The following WDPCP variants were observed in gnomAD, a reference collection of about 807,000 sequenced individuals.
WDPCP encodes WD repeat-containing and planar cell polarity effector protein fritz homolog.
WDPCP carries 71 observed loss-of-function variants against 93.1 expected under a neutral mutation model. That is an observed-to-expected ratio of 0.76 (90% confidence interval 0.63 to 0.93). WDPCP has a LOEUF of 0.93. Among genes scored for constraint, WDPCP ranks in the 40% least tolerant of loss-of-function variants. The probability of loss-of-function intolerance (pLI) is 0.00; values close to 1 mark genes in which losing one functional copy is unlikely to be tolerated. For synonymous variants in WDPCP, 315 were observed against 315.0 expected, an observed-to-expected ratio of 1.00 and a Z score of 0.00; for missense variants, 844 against 887.4, an observed-to-expected ratio of 0.95 and a Z score of 0.62.
intron 2 of WDPCP, among the ~76,000 whole-genome samples, chr2:63,658,441 T>C (rs1388020159): frequency 6.6e-6 from 1 of 152,306 alleles, no homozygotes; most frequent in South Asian, 2.1e-4. Flanking sequence ...CAGACCTATG[T>C]ACCAACTATG....
intron 1 of WDPCP, among the ~76,000 whole-genome samples, chr2:63,533,055 C>A (rs1194145895): frequency 2.0e-5 from 3 of 152,126 alleles, no homozygotes; most frequent in Non-Finnish European, 4.4e-5. Flanking sequence ...GCAGGGGTTG[C>A]AATCCTAGTC....
chr2:63,661,932 T>C (rs1222742807), intron 2 of WDPCP, among the ~76,000 whole-genome samples: 4 of 152,154 alleles, frequency 2.6e-5, no homozygotes, highest in Non-Finnish European at 4.4e-5. Flanking sequence ...CGAAGGTATA[T>C]ATGTTGTGCA....
chr2:63,761,157 G>A (rs1323102260), intron 2 of WDPCP, among the ~76,000 whole-genome samples: 3 of 152,122 alleles, frequency 2.0e-5, no homozygotes, highest in Non-Finnish European at 4.4e-5. Context: ...GGTAATGAGG[G>A]CTCTGCCTTC....
At chr2:63,348,816 T>C (rs1380662704) in intron 12 of WDPCP, among the ~76,000 whole-genome samples, 3 of 152,100 alleles carry the variant, frequency 2.0e-5, no homozygotes, top group Non-Finnish European at 4.4e-5. Context: ...AAAGGAGAGT[T>C]TCAACACTAC....
chr2:63,627,041 T>C (rs1019918904), intron 3 of WDPCP, among the ~76,000 whole-genome samples: 1 of 151,888 alleles, frequency 6.6e-6, no homozygotes. Flanking sequence ...AATCCAAGAA[T>C]TAGTTGAATG....
chr2:63,169,920 A>G (rs1673259014), intron 15 of WDPCP, among the ~76,000 whole-genome samples: 1 of 147,974 alleles, frequency 6.8e-6, no homozygotes, highest in South Asian at 2.1e-4. Flanking sequence ...TTGAGACCCT[A>G]TCACTCTGCC....
chr2:63,142,727 T>C (rs1261804523), intron 17 of WDPCP, among the ~76,000 whole-genome samples: 1 of 152,112 alleles, frequency 6.6e-6, no homozygotes, highest in African/African-American at 2.4e-5. Context: ...TGGAGTAGTG[T>C]AGGTCTTAGG....
chr2:63,595,336 A>C, intron 3 of WDPCP: 4 of 829,548 alleles, frequency 4.8e-6, no homozygotes, highest in Middle Eastern at 4.4e-4. Context: ...ATGCATGTAC[A>C]TACCAAATAA....
At position 63,604,834 on chromosome 2, in the gene WDPCP, C is replaced by T. The variant is rs764637361; in HGVS notation, n.488+45825G>A. On this transcript the variant is annotated intron_variant and non_coding_transcript_variant, in intron 3 of 4. Coordinates refer to the WDPCP transcript ENST00000467687. Reference sequence around the variant, plus strand: ...AAAGGAAGTTGGTGTTTATGAAGCTCTGAAAGATGACAGCTGGCTCAAGGG... The same window carrying T: ...AAAGGAAGTTGGTGTTTATGAAGCTTTGAAAGATGACAGCTGGCTCAAGGG... 5 of 1,614,144 alleles carry T rather than the reference C, an allele frequency of 3.1e-6. No individual in the cohort carries two copies. The Admixed American group carries it at 6.7e-5, about 22-fold the overall frequency.
intron 2 of WDPCP, among the ~76,000 whole-genome samples, chr2:63,762,458 A>C (rs1429919688): frequency 6.6e-6 from 1 of 152,230 alleles, no homozygotes; most frequent in Non-Finnish European, 1.5e-5. Context: ...GTTTGAGTCA[A>C]TGCAGGACAA....
intron 1 of WDPCP, among the ~76,000 whole-genome samples, chr2:63,815,989 G>A (rs547677247): frequency 6.6e-6 from 1 of 151,190 alleles, no homozygotes; most frequent in Non-Finnish European, 1.5e-5. Flanking sequence ...ATATTATCTT[G>A]AGAAACAAAA....
intron 2 of WDPCP, among the ~76,000 whole-genome samples, chr2:63,725,558 A>G (rs1402092888): frequency 6.6e-6 from 1 of 152,182 alleles, no homozygotes; most frequent in Admixed American, 6.5e-5. Flanking sequence ...TTGGGTATAT[A>G]CCTAGTAGTG....
At chr2:63,492,829 A>G (rs1429373276) in intron 2 of WDPCP, 27 bp downstream of exon 2, 1 of 1,601,448 alleles carries the variant, frequency 6.2e-7, no homozygotes, top group East Asian at 2.2e-5. Context: ...TTTGAAAAAT[A>G]TTGAAATTAA....
At chr2:63,482,633 CAGTCT>C (rs1377830176) in intron 6 of WDPCP, among the ~76,000 whole-genome samples, 2 of 152,040 alleles carry the variant, frequency 1.3e-5, no homozygotes. Context: ...AACTAGCTAA[CAGTCT>C]TAACTAGAAA....
intron 8 of WDPCP, among the ~76,000 whole-genome samples, chr2:63,436,127 C>G (rs905416275): frequency 3.3e-5 from 5 of 152,068 alleles, no homozygotes; most frequent in African/African-American, 1.2e-4. Context: ...TTAATGCACA[C>G]TGGTGCATTT....
At position 63,149,834 on chromosome 2, in the gene WDPCP, T is replaced by C. The variant is rs935429226; in HGVS notation, c.2190+3080A>G. ...ACCAACAATATAGCAAGACCCTGTC[T>C]CTACAAAAAGCCCAAAATTAGCTAG... On this transcript the variant is annotated intron_variant, in intron 17 of 17. Coordinates refer to ENST00000272321, the MANE Select transcript of WDPCP (RefSeq NM_015910.7). Among the ~76,000 whole-genome samples the C allele has an allele frequency of 3.3e-5, 5 of 152,258 alleles. No homozygotes were observed. The East Asian group carries it at 5.8e-4, about 18-fold the overall frequency.
intron 13 of WDPCP, among the ~76,000 whole-genome samples, chr2:63,277,222 A>T (rs1354374184): frequency 4.2e-4 from 3 of 7,178 alleles, no homozygotes; most frequent in Non-Finnish European, 5.5e-4. Context: ...GAACTGCTAA[A>T]AAAAAAAGCT....
At chr2:63,597,277 A>G (rs2106611140) in intron 3 of WDPCP, 1 of 1,247,634 alleles carries the variant, frequency 8.0e-7, no homozygotes, top group East Asian at 3.1e-5. Context: ...TGAAATGTAT[A>G]TCAGTGTGAT....
At chr2:63,588,820 C>T (rs185007326), upstream of WDPCP, 3 of 605,030 alleles carry the variant, frequency 5.0e-6, no homozygotes, top group Middle Eastern at 4.4e-4. Context: ...TGAAAAAAAC[C>T]TCTGGTATCG....
Sources: allele counts gnomAD v4.1 joint callset (sites outside exome capture counted in the v4.1 genomes callset), GRCh38; gene constraint gnomAD v4.1.1; transcripts MANE v1.5; gene names NCBI Gene and HGNC (gene_info 2026-07-23, HGNC 2026-07-21).